The following LGALS3BP variants were observed in gnomAD, a reference collection of about 807,000 sequenced individuals.
LGALS3BP encodes galectin 3 binding protein, also known as galectin-3-binding protein.
A neutral mutation model predicts 22.9 loss-of-function variants in LGALS3BP; 25 were observed. The observed-to-expected ratio is 1.09, with a 90% CI of 0.80 to 1.53. The LOEUF is 1.53. Ranked by LOEUF, LGALS3BP falls within the 40% of genes most tolerant of loss-of-function variation. The pLI is 0.00. For synonymous variants in LGALS3BP, 335 were observed against 331.1 expected (o/e 1.01, Z -0.13); for missense variants, 718 against 752.0 (o/e 0.95, Z 0.53).
chr17:78,971,497 G>A lies in LGALS3BP; in HGVS notation c.*79C>T. 7.4e-7 allele frequency: 1 copy of A among 1,359,500 alleles called. No individual in the cohort carries two copies. Among genetic ancestry groups the A allele is most frequent in the Non-Finnish European group, 1.0e-6 (1 of 991,688 alleles). The allele number at this position is 1,359,500 out of a possible 1,614,324, so 84.2% of individuals were successfully genotyped here. Reference sequence around the variant, plus strand: ...CGGTTGTTGAAGGTCATTGCAGAGAGGAAGGAAGCCGAGGAGGGGAGCCTG... The same window carrying A: ...CGGTTGTTGAAGGTCATTGCAGAGAAGAAGGAAGCCGAGGAGGGGAGCCTG... On this transcript the variant is annotated 3_prime_UTR_variant, in exon 6 of 6. Transcript: ENST00000262776. This position sits in a 1 kb window ranked among gnomAD's most constrained non-coding sequence, Gnocchi z 5.6.
In LGALS3BP at chr17:78,973,617, G is replaced by A. The variant is rs2070694699; in HGVS notation, c.377-395C>T. On this transcript the variant is annotated intron_variant, in intron 4 of 5. Coordinates refer to ENST00000262776, the MANE Select transcript of LGALS3BP (RefSeq NM_005567.4). This position sits in a 1 kb window ranked among gnomAD's most constrained non-coding sequence, Gnocchi z 5.8. Reference sequence around the variant, plus strand: ...ACTGCCTGCTTAGATGGCCTGAAAAGTTAGGGTCCTGTGGCAACCCCATTT... The same window carrying A: ...ACTGCCTGCTTAGATGGCCTGAAAAATTAGGGTCCTGTGGCAACCCCATTT... Among the ~76,000 whole-genome samples, 1 of 152,156 alleles carries A rather than the reference G, an allele frequency of 6.6e-6. No homozygotes were observed. Among genetic ancestry groups the A allele is most frequent in the South Asian group, 2.1e-4 (1 of 4,824 alleles).
chr17:78,975,862 A>G, intron 3 of LGALS3BP, 103 bp downstream of exon 3: 1 of 526,034 alleles, frequency 1.9e-6, no homozygotes, highest in Non-Finnish European at 3.1e-6. Context: ...TCCAATTTGC[A>G]TGTCTTTGAA....
In LGALS3BP at chr17:78,976,254, C is replaced by T; in HGVS notation, c.53-98G>A. ...GCTGTCCTGGGTCTCCCCTGCTGAG[C>T]TTGTATTTCAGGGCTTCAAGGTCCC... is the stretch of plus-strand genomic sequence containing the variant. On this transcript the variant is annotated intron_variant, in intron 2 of 5. Transcript: ENST00000262776. The surrounding 1 kb of genome is among the most constrained non-coding windows in gnomAD (Gnocchi z 4.6). 1 of 1,137,626 alleles carries T rather than the reference C, an allele frequency of 8.8e-7. No homozygotes were observed. Among genetic ancestry groups the T allele is most frequent in the Non-Finnish European group, 1.2e-6 (1 of 830,564 alleles). The allele number at this position is 1,137,626 out of a possible 1,614,324, so 70.5% of individuals were successfully genotyped here. A position where few individuals can be genotyped will look rare whatever the true frequency, so the allele number is the denominator to read the frequency against.
intron 4 of LGALS3BP, 65 bp downstream of exon 4, chr17:78,974,622 AG>A: frequency 6.5e-7 from 1 of 1,549,912 alleles, no homozygotes. Context: ...TGGTGCTGGG[AG>A]GGGCAGGGGC....
In LGALS3BP at chr17:78,977,031, G is replaced by A. The variant is rs375650586; in HGVS notation, c.52+109C>T. 2.1e-5 allele frequency: 24 copies of A among 1,142,912 alleles called. No individual in the cohort carries two copies. The Admixed American group carries it at 2.8e-4, about 13-fold the overall frequency. 70.8% of individuals were successfully genotyped at this position (1,142,912 alleles called of 1,614,324 possible). On this transcript the variant is annotated intron_variant, in intron 2 of 5. Coordinates refer to ENST00000262776, the MANE Select transcript of LGALS3BP (RefSeq NM_005567.4). ...AGCAGGAGAGAAGATCTGGCTAACC[G>A]CTGGGCCCCGGGCCCCAGGCAGAAT...
Position 78,972,410 on chromosome 17 carries a change from C to A in LGALS3BP, c.924G>T (p.Leu308=). The A allele has an allele frequency of 6.2e-7, 1 of 1,613,462 alleles. No homozygotes were observed. Among genetic ancestry groups the A allele is most frequent in the Admixed American group, 1.7e-5 (1 of 60,022 alleles). The change falls in exon 6 of 6, where the codon CTG becomes CTT. Residue 308 remains leucine, a synonymous_variant. Coordinates refer to ENST00000262776, the MANE Select transcript of LGALS3BP (RefSeq NM_005567.4). The surrounding 1 kb of genome is among the most constrained non-coding windows in gnomAD (Gnocchi z 5.1). ...SVPTDLLQLL[L]PRSDLAVPSE... is the part of the protein sequence containing the mutation. ...TGGGCACCGCCAGGTCGCTCCTGGG[C>A]AGCAGCAGTTGGAGCAGGTCTGTGG...
Position 78,973,248 on chromosome 17 carries a change from G to A in LGALS3BP, c.377-26C>T, listed in dbSNP as rs373676810. The A allele has an allele frequency of 8.7e-6, 13 of 1,485,728 alleles. No individual in the cohort carries two copies. The highest frequency in any genetic ancestry group is 7.5e-5 in the East Asian group (3 of 40,260). The allele number at this position is 1,485,728 out of a possible 1,614,324, so 92.0% of individuals were successfully genotyped here. A position where few individuals can be genotyped will look rare whatever the true frequency, so the allele number is the denominator to read the frequency against. ...CTAAGAAGGGGCGGGAGGGAAGTGG[G>A]CTGCGTTAGGAGCCGGGGCACTGCC... On this transcript the variant is annotated intron_variant, in intron 4 of 5. Transcript: ENST00000262776. The surrounding 1 kb of genome is among the most constrained non-coding windows in gnomAD (Gnocchi z 5.8).
Position 78,974,759 on chromosome 17 carries a change from T to A in LGALS3BP, c.305A>T (p.Asp102Val). ...QCTGTEASLA[D>V]CKSLGWLKSN... ...CTTCAGCCAGCCCAGGGACTTGCAG[T>A]CGGCCAGTGAGGCCTCGGTTCCCGT... Residue 102 changes from aspartate (D) to valine (V), a missense_variant, in exon 4 of 6, where the codon GAC becomes GTC. Asp to Val is a radical substitution (Grantham distance 152). Coordinates refer to ENST00000262776, the MANE Select transcript of LGALS3BP (RefSeq NM_005567.4). 1 of 1,613,848 alleles carries A rather than the reference T, an allele frequency of 6.2e-7. No homozygotes were observed. Among genetic ancestry groups the A allele is most frequent in the Non-Finnish European group, 8.5e-7 (1 of 1,180,002 alleles).
intron 3 of LGALS3BP, chr17:78,975,110 T>G: frequency 2.5e-6 from 1 of 406,540 alleles, no homozygotes; most frequent in Non-Finnish European, 4.5e-6. Flanking sequence ...CATACTGTAA[T>G]TGTGTGACTA....
rs1339180584 is a variant in LGALS3BP at position 78,974,672 on chromosome 17, G to T, written c.376+16C>A. ...GGCACACTGGGGCCTCCGCAGGGAG[G>T]TGCGCCCCCGCTCACCATTGGTGCA... On this transcript the variant is annotated intron_variant, in intron 4 of 5. Transcript: ENST00000262776. 7 of 1,610,378 alleles carry T rather than the reference G, an allele frequency of 4.3e-6. No individual in the cohort carries two copies. In the Admixed American group the frequency reaches 1.2e-4, roughly 27 times the overall value.
Position 78,973,705 on chromosome 17 carries a change from G to A in LGALS3BP, c.377-483C>T, listed in dbSNP as rs1452987591. ...GAGAAGGCCTGCAGAAGTCATGGGA[G>A]GCTCCCGGCTCGGGGGTCAGTGTGG... On this transcript the variant is annotated intron_variant, in intron 4 of 5. Transcript: ENST00000262776. This position sits in a 1 kb window ranked among gnomAD's most constrained non-coding sequence, Gnocchi z 5.8. 6.6e-6 allele frequency among the ~76,000 whole-genome samples: 1 copy of A among 152,198 alleles called. No individual in the cohort carries two copies. Among genetic ancestry groups the A allele is most frequent in the Admixed American group, 6.5e-5 (1 of 15,290 alleles).
At position 78,972,816 on chromosome 17, in the gene LGALS3BP, GTGTGTGTGCAACTGCGTGAGTGCA is replaced by G. The variant is rs2070686049; in HGVS notation, c.629+130_630-113del. On this transcript the variant is annotated intron_variant, in intron 5 of 5. Coordinates refer to ENST00000262776, the MANE Select transcript of LGALS3BP (RefSeq NM_005567.4). The surrounding 1 kb of genome is among the most constrained non-coding windows in gnomAD (Gnocchi z 5.1). Reference sequence around the variant, plus strand: ...GCACACAGTGTGGGAGTGAGCATGCGTGTGTGTGCAACTGCGTGAGTGCATGTGTGACTGCGTGTGTACATGTGC... The same window carrying G: ...GCACACAGTGTGGGAGTGAGCATGCGTGTGTGACTGCGTGTGTACATGTGC... 1 of 1,432,710 alleles carries G rather than the reference GTGTGTGTGCAACTGCGTGAGTGCA, an allele frequency of 7.0e-7. No homozygotes were observed. The highest frequency in any genetic ancestry group is 1.4e-5 in the South Asian group (1 of 73,524). 88.7% of individuals were successfully genotyped at this position (1,432,710 alleles called of 1,614,324 possible). A position where few individuals can be genotyped will look rare whatever the true frequency, so the allele number is the denominator to read the frequency against.
At chr17:78,974,900 T>A in intron 3 of LGALS3BP, 81 bp from the exon 4 acceptor site, 1 of 1,556,868 alleles carries the variant, frequency 6.4e-7, no homozygotes, top group Non-Finnish European at 8.7e-7. Flanking sequence ...CCCTTTGTTC[T>A]CCGCCCCGGC....
rs140005844 is a variant in LGALS3BP, at chr17:78,974,880, C to T, written c.245-61G>A. 2,067 of 1,590,262 alleles carry T rather than the reference C, an allele frequency of 1.3e-3. 1 individual carries two copies. The highest frequency in any genetic ancestry group is 1.5e-3 in the Non-Finnish European group (1,791 of 1,164,134). On this transcript the variant is annotated intron_variant, in intron 3 of 5. Coordinates refer to ENST00000262776, the MANE Select transcript of LGALS3BP (RefSeq NM_005567.4). ...ACGACTGCACCCAGGAGTCCCACAGCGCGACTCAGCCCTTTGTTCTCCGCC... is the reference window on the plus strand; with the variant it reads ...ACGACTGCACCCAGGAGTCCCACAGTGCGACTCAGCCCTTTGTTCTCCGCC...
rs2070677220 is a variant in LGALS3BP at position 78,972,106 on chromosome 17, T to G, written c.1228A>C (p.Thr410Pro). 4.3e-6 allele frequency: 7 copies of G among 1,613,086 alleles called. No individual in the cohort carries two copies. In the East Asian group the frequency reaches 1.6e-4, roughly 36 times the overall value. ...TEDTYKPRIY[T>P]SPTWSAFVTD... is the part of the protein sequence containing the mutation. The stretch of plus-strand genomic sequence containing the variant: ...ACAAAGGCACTCCAGGTGGGCGAGG[T>G]GTAAATCCGGGGCTTGTAGGTATCC... Residue 410 changes from threonine (T) to proline (P), a missense_variant, in exon 6 of 6, where the codon ACC (threonine) becomes CCC (proline). Coordinates refer to ENST00000262776, the MANE Select transcript of LGALS3BP (RefSeq NM_005567.4). The surrounding 1 kb of genome is among the most constrained non-coding windows in gnomAD (Gnocchi z 5.1).
Position 78,972,869 on chromosome 17 carries a change from C to T in LGALS3BP, c.629+101G>A. ...GTGACTGCGTGTGTACATGTGCATGCATGAGTATGTGCAGGTGTGTGTGTG... is the reference window on the plus strand; with the variant it reads ...GTGACTGCGTGTGTACATGTGCATGTATGAGTATGTGCAGGTGTGTGTGTG... On this transcript the variant is annotated intron_variant, in intron 5 of 5. Transcript: ENST00000262776. The surrounding 1 kb of genome is among the most constrained non-coding windows in gnomAD (Gnocchi z 5.1). 1 of 1,475,752 alleles carries T rather than the reference C, an allele frequency of 6.8e-7. No homozygotes were observed. Among genetic ancestry groups the T allele is most frequent in the Non-Finnish European group, 9.1e-7 (1 of 1,095,484 alleles). The allele number at this position is 1,475,752 out of a possible 1,614,324, so 91.4% of individuals were successfully genotyped here.
In LGALS3BP at chr17:78,972,921, G is replaced by A; in HGVS notation, c.629+49C>T. ...GGGGCTGTGCTTTTGAAGAGGGGAG[G>A]AGGACAAAGCCCCTGGCGGCCCCAG... On this transcript the variant is annotated intron_variant, in intron 5 of 5. Transcript: ENST00000262776. The surrounding 1 kb of genome is among the most constrained non-coding windows in gnomAD (Gnocchi z 5.1). 1 of 1,563,354 alleles carries A rather than the reference G, an allele frequency of 6.4e-7. No homozygotes were observed. The highest frequency in any genetic ancestry group is 8.7e-7 in the Non-Finnish European group (1 of 1,152,884).
rs200693132 is a variant in LGALS3BP, at chr17:78,971,755, C to T, written c.1579G>A (p.Glu527Lys). ...GTGACGTCTGCCACGAAGAGCCCTT[C>T]GCAGAGCATCAGGGCTTTGTTTTCG... is the stretch of plus-strand genomic sequence containing the variant. ...AYENKALMLC[E>K]GLFVADVTDF... Residue 527 changes from glutamate (E) to lysine (K), a missense_variant, in exon 6 of 6, where the codon GAA becomes AAA. Glu to Lys is a moderately conservative substitution (Grantham distance 56). Transcript: ENST00000262776. This position sits in a 1 kb window ranked among gnomAD's most constrained non-coding sequence, Gnocchi z 5.6. 62 of 1,614,062 alleles carry T rather than the reference C, an allele frequency of 3.8e-5. No homozygotes were observed. In the African/African-American group the frequency reaches 5.9e-4, roughly 15 times the overall value.
chr17:78,976,658 C>A lies in LGALS3BP; in HGVS notation c.52+482G>T, dbSNP rs2070723483. On this transcript the variant is annotated intron_variant, in intron 2 of 5. Transcript: ENST00000262776. The surrounding 1 kb of genome is among the most constrained non-coding windows in gnomAD (Gnocchi z 4.6). ...TTCTGGGACTCAGTCCACCAACACT[C>A]CAGCCCCTACAGGAGCTGACAGAGC... 6.6e-6 allele frequency among the ~76,000 whole-genome samples: 1 copy of A among 152,188 alleles called. No homozygotes were observed. Among genetic ancestry groups the A allele is most frequent in the South Asian group, 2.1e-4 (1 of 4,830 alleles).
Sources: allele counts gnomAD v4.1 joint callset (sites outside exome capture counted in the v4.1 genomes callset), GRCh38; gene constraint gnomAD v4.1.1; non-coding constraint Gnocchi (gnomAD v3.1); transcripts MANE v1.5; gene names NCBI Gene and HGNC (gene_info 2026-07-23, HGNC 2026-07-21).